The following SIPA1L2 variants were observed in gnomAD, a reference collection of about 807,000 sequenced individuals.
The protein encoded by SIPA1L2 is signal-induced proliferation-associated 1-like protein 2.
SIPA1L2 carries 56 observed loss-of-function variants against 163.9 expected under a neutral mutation model. The ratio of observed to expected loss-of-function variants is 0.34; its 90% CI spans 0.28 to 0.43. SIPA1L2 has a LOEUF of 0.43. SIPA1L2 is among the 20% of genes least tolerant of loss of function. The pLI is 1.00. For synonymous variants in SIPA1L2, 877 were observed against 865.7 expected (o/e 1.01, Z -0.23); for missense variants, 1,974 against 2,193.5 (o/e 0.90, Z 2.00).
At chr1:232,416,825 G>C (rs1330188826) in intron 18 of SIPA1L2, among the ~76,000 whole-genome samples, 2 of 152,142 alleles carry the variant, frequency 1.3e-5, no homozygotes, top group Non-Finnish European at 2.9e-5. Context: ...AATGTTGGGT[G>C]GTTTTCCTTT....
In SIPA1L2 at chr1:232,403,586, A is replaced by C. The variant is rs1425952054; in HGVS notation, c.4817-15T>G. On this transcript the variant is annotated splice_polypyrimidine_tract_variant and intron_variant, in intron 20 of 22. Coordinates refer to ENST00000674635, the MANE Select transcript of SIPA1L2 (RefSeq NM_020808.5). ...CACCCTCTGGTCTGGGGAGGGGAGA[A>C]ACACACACAGAAAGAAGGGTTAGTA... The C allele has an allele frequency of 6.2e-7, 1 of 1,606,500 alleles. No individual in the cohort carries two copies.
chr1:232,544,691 C>T (rs754910167), intron 2 of SIPA1L2, among the ~76,000 whole-genome samples: 2 of 152,106 alleles, frequency 1.3e-5, no homozygotes, highest in South Asian at 2.1e-4. Context: ...GAAAATAATA[C>T]GAAGGTTGCT....
At chr1:232,429,261 C>T (rs891831151) in intron 16 of SIPA1L2, among the ~76,000 whole-genome samples, 1 of 152,138 alleles carries the variant, frequency 6.6e-6, no homozygotes, top group Non-Finnish European at 1.5e-5. Context: ...ACACAGTAAA[C>T]AGTCAGCGGC....
intron 10 of SIPA1L2, among the ~76,000 whole-genome samples, chr1:232,451,661 C>G (rs561332677): frequency 8.7e-4 from 132 of 152,216 alleles, no homozygotes; most frequent in African/African-American, 3.0e-3. Context: ...TATACCAAAT[C>G]AAGTCAATGG....
chr1:232,613,732 A>T (rs994093942), intron 1 of SIPA1L2, among the ~76,000 whole-genome samples: 3 of 152,200 alleles, frequency 2.0e-5, no homozygotes, highest in Non-Finnish European at 4.4e-5. Context: ...AATGCCAAAA[A>T]TGTTGTAATG....
At chr1:232,544,280 G>A (rs1425060405) in intron 2 of SIPA1L2, among the ~76,000 whole-genome samples, 4 of 152,164 alleles carry the variant, frequency 2.6e-5, no homozygotes, top group Admixed American at 1.3e-4. Flanking sequence ...AAGTGCTAGC[G>A]GCCGGGCGCA....
rs193136586 is a variant in SIPA1L2, at chr1:232,465,683, G to C, written c.2244-267C>G. Among the ~76,000 whole-genome samples the C allele has an allele frequency of 3.3e-5, 5 of 152,052 alleles. No homozygotes were observed. In the East Asian group the frequency reaches 9.8e-4, roughly 30 times the overall value. ...TAGTAGACAGGAGGTGTAATGGGCTGAATTATGTCCCTCTCAAAATCCACA... is the reference window on the plus strand; with the variant it reads ...TAGTAGACAGGAGGTGTAATGGGCTCAATTATGTCCCTCTCAAAATCCACA... On this transcript the variant is annotated intron_variant, in intron 8 of 22. Transcript: ENST00000674635. The surrounding 1 kb of genome is among the most constrained non-coding windows in gnomAD (Gnocchi z 4.1).
At chr1:232,491,116 C>A in intron 4 of SIPA1L2, 54 bp from the exon 5 acceptor site, 1 of 1,493,314 alleles carries the variant, frequency 6.7e-7, no homozygotes, top group South Asian at 1.2e-5. Flanking sequence ...ATTACCTACT[C>A]ACAGCCTAAC....
chr1:232,419,585 G>T (rs894987161), intron 18 of SIPA1L2, among the ~76,000 whole-genome samples: 2 of 152,066 alleles, frequency 1.3e-5, no homozygotes, highest in Non-Finnish European at 2.9e-5. Flanking sequence ...GTGGCATCTC[G>T]CCATGGACTC....
At chr1:232,544,999 T>C (rs1417448437) in intron 2 of SIPA1L2, among the ~76,000 whole-genome samples, 1 of 152,196 alleles carries the variant, frequency 6.6e-6, no homozygotes, top group Non-Finnish European at 1.5e-5. Flanking sequence ...GACACAACTG[T>C]CTGCTCATTT....
At chr1:232,489,222 A>C (rs12118459) in intron 5 of SIPA1L2, among the ~76,000 whole-genome samples, 38,101 of 151,874 alleles carry the variant, frequency 0.25, 4,872 homozygotes, top group Admixed American at 0.35. Flanking sequence ...ATGGGTGGCA[A>C]GTTCTTTTCA....
At chr1:232,460,777 A>C in intron 10 of SIPA1L2, 110 bp downstream of exon 10, 1 of 1,339,486 alleles carries the variant, frequency 7.5e-7, no homozygotes, top group Non-Finnish European at 1.0e-6. Flanking sequence ...AACACTGTAC[A>C]AAGACACACT....
At chr1:232,518,350 CCACACCT>C (rs1312511617) in intron 2 of SIPA1L2, among the ~76,000 whole-genome samples, 1 of 152,150 alleles carries the variant, frequency 6.6e-6, no homozygotes, top group Non-Finnish European at 1.5e-5. Flanking sequence ...GAGGCTAACT[CCACACCT>C]AACACGTGGC....
chr1:232,560,370 T>G (rs1205907262), intron 2 of SIPA1L2, among the ~76,000 whole-genome samples: 2 of 152,236 alleles, frequency 1.3e-5, no homozygotes, highest in African/African-American at 4.8e-5. Flanking sequence ...GAAGCTGCTA[T>G]GCCCTGTTGC....
At chr1:232,566,385 A>T (rs1296825697) in intron 2 of SIPA1L2, among the ~76,000 whole-genome samples, 1 of 151,866 alleles carries the variant, frequency 6.6e-6, no homozygotes, top group Non-Finnish European at 1.5e-5. Context: ...ATAAAAGCAA[A>T]CAAACAAAGG....
At chr1:232,572,740 T>TAC (rs1195667931) in intron 2 of SIPA1L2, among the ~76,000 whole-genome samples, 8 of 41,766 alleles carry the variant, frequency 1.9e-4, no homozygotes, top group South Asian at 1.4e-3. Flanking sequence ...CATACATACA[T>TAC]ATATATATAT....
chr1:232,459,083 C>T (rs1664087060), intron 10 of SIPA1L2, among the ~76,000 whole-genome samples: 1 of 152,182 alleles, frequency 6.6e-6, no homozygotes, highest in Non-Finnish European at 1.5e-5. Flanking sequence ...GCTAAGATAA[C>T]TAATAGAGAA....
intron 8 of SIPA1L2, among the ~76,000 whole-genome samples, chr1:232,466,586 T>C (rs1301678678): frequency 3.3e-5 from 5 of 152,070 alleles, no homozygotes; most frequent in African/African-American, 1.2e-4. Flanking sequence ...GTCAGGAGAT[T>C]GAGACCATCC....
intron 3 of SIPA1L2, among the ~76,000 whole-genome samples, chr1:232,500,840 G>A (rs972808902): frequency 1.3e-5 from 2 of 152,088 alleles, no homozygotes; most frequent in East Asian, 1.9e-4. Flanking sequence ...AAATAGCATC[G>A]TATGTTACGG....
Sources: gnomAD v4.1 joint callset for allele counts (sites outside exome capture counted in the v4.1 genomes callset) on GRCh38, gnomAD v4.1.1 for gene constraint, Gnocchi (gnomAD v3.1) non-coding constraint, MANE v1.5 for transcripts, NCBI Gene and HGNC (gene_info 2026-07-23, HGNC 2026-07-21) for gene names.